ENPP2: variants seen among roughly 807,000 people sequenced by gnomAD.
ENPP2 encodes ectonucleotide pyrophosphatase/phosphodiesterase 2.
ENPP2 carries 51 observed loss-of-function variants against 120.2 expected under a neutral mutation model. The ratio of observed to expected loss-of-function variants is 0.42; its 90% CI spans 0.34 to 0.54. The LOEUF (loss-of-function observed/expected upper bound fraction) is 0.54, where lower values mean the gene tolerates loss of function less well. Among genes scored for constraint, ENPP2 ranks in the 20% least tolerant of loss-of-function variants. ENPP2 has a pLI of 0.04. For synonymous variants in ENPP2, 365 were observed against 366.4 expected (o/e 1.00, Z 0.04); for missense variants, 920 against 1,066.5 (o/e 0.86, Z 1.91).
chr8:119,629,931 A>G (rs1816542774), intron 2 of ENPP2, among the ~76,000 whole-genome samples: 1 of 152,206 alleles, frequency 6.6e-6, no homozygotes, highest in Non-Finnish European at 1.5e-5. Flanking sequence ...GTAAATTTTC[A>G]GTAGAATTCA....
At position 119,584,030 on chromosome 8, in the gene ENPP2, T is replaced by C. The variant is rs1812937243; in HGVS notation, c.1387A>G (p.Lys463Glu). 1 of 1,610,844 alleles carries C rather than the reference T, an allele frequency of 6.2e-7. No homozygotes were observed. Reference sequence around the variant, plus strand: ...AAAAAGCATTTTCCTGATGGTTTCTTATAAACATCCAAAGGTTTCCTAAAT... The same window carrying C: ...AAAAAGCATTTTCCTGATGGTTTCTCATAAACATCCAAAGGTTTCCTAAAT... Reference protein sequence around the residue: ...HVARKPLDVYKKPSGKCFFQG... With the variant: ...HVARKPLDVYEKPSGKCFFQG... The change falls in exon 16 of 25, where the codon AAG becomes GAG. Residue 463 changes from lysine (K) to glutamate (E), a missense_variant. Physicochemically the swap from Lys to Glu is moderately conservative, Grantham distance 56 (BLOSUM62 1). Transcript: ENST00000075322.
intron 8 of ENPP2, among the ~76,000 whole-genome samples, chr8:119,612,644 C>T (rs1365759679): frequency 6.6e-6 from 1 of 152,184 alleles, no homozygotes; most frequent in Non-Finnish European, 1.5e-5. Flanking sequence ...AATACCAAGA[C>T]TTTGAGAGGC....
chr8:119,583,355 G>A (rs189105537), intron 17 of ENPP2, among the ~76,000 whole-genome samples: 174 of 152,314 alleles, frequency 1.1e-3, no homozygotes, highest in African/African-American at 4.1e-3. Context: ...GATGCAAGCT[G>A]GCAACATTTT....
chr8:119,577,929 T>C (rs1002767790), intron 19 of ENPP2, among the ~76,000 whole-genome samples: 3 of 152,176 alleles, frequency 2.0e-5, no homozygotes, highest in African/African-American at 7.2e-5. Context: ...AGCAGAGCAA[T>C]GGAGATGTAA....
intron 4 of ENPP2, among the ~76,000 whole-genome samples, chr8:119,619,856 A>T (rs1383991433): frequency 6.6e-6 from 1 of 152,232 alleles, no homozygotes; most frequent in Non-Finnish European, 1.5e-5. Context: ...TTCCACCAAG[A>T]TCTAAGAGCA....
Position 119,562,853 on chromosome 8 carries a change from T to C in ENPP2, c.2421+4A>G. The C allele has an allele frequency of 1.2e-6, 2 of 1,613,252 alleles. No individual in the cohort carries two copies. Among genetic ancestry groups the C allele is most frequent in the Non-Finnish European group, 1.7e-6 (2 of 1,179,656 alleles). ...ATCCTAAAGGACTCTCTCTGTAAAC[T>C]CACATTGCAGCTCTCCTCGTTGTCA... On this transcript the variant is annotated splice_donor_region_variant and intron_variant, in intron 24 of 24. Transcript: ENST00000075322.
At chr8:119,635,669 C>T (rs1003105099) in intron 2 of ENPP2, among the ~76,000 whole-genome samples, 1 of 152,210 alleles carries the variant, frequency 6.6e-6, no homozygotes, top group Non-Finnish European at 1.5e-5. Flanking sequence ...TCTCATTAAC[C>T]TGAATGCCCA....
intron 1 of ENPP2, among the ~76,000 whole-genome samples, chr8:119,655,619 G>A (rs1177685878): frequency 1.3e-5 from 2 of 152,168 alleles, no homozygotes; most frequent in African/African-American, 4.8e-5. Context: ...AGCACTAATT[G>A]CTAATAATAG....
intron 1 of ENPP2, among the ~76,000 whole-genome samples, chr8:119,659,455 A>C (rs1817861525): frequency 6.6e-6 from 1 of 152,142 alleles, no homozygotes; most frequent in Admixed American, 6.5e-5. Context: ...AAAATTACAA[A>C]ACCCTGCTGA....
upstream of ENPP2, among the ~76,000 whole-genome samples, chr8:119,639,476 A>C (rs1333945656): frequency 6.6e-6 from 1 of 152,184 alleles, no homozygotes; most frequent in African/African-American, 2.4e-5. Flanking sequence ...AAGTTTAGAG[A>C]AGTAACTTTT....
At chr8:119,661,428 C>T (rs762135243) in intron 1 of ENPP2, among the ~76,000 whole-genome samples, 104 of 152,280 alleles carry the variant, frequency 6.8e-4, no homozygotes, top group African/African-American at 1.4e-3. Flanking sequence ...CATCACTAAT[C>T]ATCAGGGAAA....
In ENPP2 at chr8:119,565,420, A is replaced by G. The variant is rs150026162; in HGVS notation, c.2132-465T>C. Among the ~76,000 whole-genome samples the G allele has an allele frequency of 1.2e-3, 185 of 152,306 alleles. 2 individuals carry two copies. The highest frequency in any genetic ancestry group is 4.3e-3 in the African/African-American group (180 of 41,564). ...TACCCCTGACCTTTCCTGGAGATCC[A>G]GACATGTTATCCAACCACCTACCTC... On this transcript the variant is annotated intron_variant, in intron 22 of 24. Coordinates refer to ENST00000075322, the MANE Select transcript of ENPP2 (RefSeq NM_001040092.3).
intron 1 of ENPP2, among the ~76,000 whole-genome samples, chr8:119,668,429 CTTTT>C (rs5894492): frequency 1.8e-5 from 2 of 110,548 alleles, no homozygotes; most frequent in Non-Finnish European, 3.6e-5. Flanking sequence ...TTTTCTTTTT[CTTTT>C]TTTTTTTTTT....
chr8:119,583,636 ATTT>A, intron 17 of ENPP2, 78 bp downstream of exon 17: 1 of 803,918 alleles, frequency 1.2e-6, no homozygotes, highest in South Asian at 1.8e-5. Context: ...TAGACACCTC[ATTT>A]CTTTCTCTGA....
chr8:119,620,171 A>G (rs1034761995), intron 4 of ENPP2, among the ~76,000 whole-genome samples: 2 of 152,252 alleles, frequency 1.3e-5, no homozygotes, highest in South Asian at 2.1e-4. Flanking sequence ...CGTGGGCCTC[A>G]CAAAAGTACT....
chr8:119,656,423 C>A (rs958046809), intron 1 of ENPP2, among the ~76,000 whole-genome samples: 2 of 152,130 alleles, frequency 1.3e-5, no homozygotes, highest in African/African-American at 2.4e-5. Context: ...ACATTCTAAT[C>A]ATAATAATGA....
At chr8:119,657,482 T>C (rs1227535924) in intron 1 of ENPP2, among the ~76,000 whole-genome samples, 1 of 152,232 alleles carries the variant, frequency 6.6e-6, no homozygotes, top group Non-Finnish European at 1.5e-5. Flanking sequence ...GCTTAGAAAG[T>C]GTTGAACTTT....
At chr8:119,590,843 T>A (rs1813445522) in intron 12 of ENPP2, among the ~76,000 whole-genome samples, 1 of 152,050 alleles carries the variant, frequency 6.6e-6, no homozygotes, top group African/African-American at 2.4e-5. Context: ...CCATATCATC[T>A]TGCAAGCACT....
chr8:119,652,240 A>G (rs1012409136), intron 1 of ENPP2, among the ~76,000 whole-genome samples: 1 of 152,092 alleles, frequency 6.6e-6, no homozygotes, highest in Admixed American at 6.6e-5. Flanking sequence ...ACATTGACCC[A>G]TTCATGAAGC....
Sources: gnomAD v4.1 joint callset for allele counts (sites outside exome capture counted in the v4.1 genomes callset) on GRCh38, gnomAD v4.1.1 for gene constraint, MANE v1.5 for transcripts, NCBI Gene and HGNC (gene_info 2026-07-23, HGNC 2026-07-21) for gene names.